Variants in ATP7B observed in about 807,000 individuals in gnomAD.
The protein encoded by ATP7B is copper-transporting ATPase 2.
In ATP7B, 113 loss-of-function variants were observed where a neutral mutation model predicts 118.9. The observed-to-expected ratio is 0.95, with a 90% CI of 0.82 to 1.11. The LOEUF is 1.11. Among genes scored for constraint, ATP7B ranks in the 50% most tolerant of loss-of-function variants. ATP7B has a pLI of 0.00. For synonymous variants in ATP7B, 777 were observed against 727.4 expected (o/e 1.07, Z -1.10); for missense variants, 1,867 against 1,871.4 (o/e 1.00, Z 0.04).
Position 51,937,656 on chromosome 13 carries a change from T to C in ATP7B, c.3723A>G (p.Ala1241=), listed in dbSNP as rs1343476063. The change falls in exon 18 of 21, where the codon GCA becomes GCG. Residue 1241 remains alanine, a synonymous_variant. Coordinates refer to ENST00000242839, the MANE Select transcript of ATP7B (RefSeq NM_000053.4). The part of the protein sequence containing the change: ...ATQVGINKVF[A]EVLPSHKVAK... ...CCACCTTGTGCGAAGGCAGCACCTC[T>C]GCAAAGACTTTGTTGATGCCAACCT... is the stretch of plus-strand genomic sequence containing the variant. The C allele has an allele frequency of 6.2e-7, 1 of 1,614,278 alleles. No individual in the cohort carries two copies. Among genetic ancestry groups the C allele is most frequent in the Non-Finnish European group, 8.5e-7 (1 of 1,180,056 alleles).
intron 6 of ATP7B, among the ~76,000 whole-genome samples, chr13:51,961,565 C>G (rs1380726380): frequency 6.6e-6 from 1 of 152,176 alleles, no homozygotes; most frequent in Non-Finnish European, 1.5e-5. Flanking sequence ...ATTAAAAATT[C>G]ATTTCCACAG....
chr13:51,987,673 C>G (rs538582361), intron 1 of ATP7B, among the ~76,000 whole-genome samples: 30 of 152,308 alleles, frequency 2.0e-4, no homozygotes, highest in Middle Eastern at 3.4e-3. Context: ...TACTACAAGG[C>G]TATAGTAACC....
intron 20 of ATP7B, 96 bp downstream of exon 20, chr13:51,935,497 A>T: frequency 7.7e-7 from 1 of 1,305,820 alleles, no homozygotes; most frequent in Non-Finnish European, 1.1e-6. Flanking sequence ...CAGGTGAATG[A>T]ATGGGAAATG....
In ATP7B at chr13:51,965,073, C is replaced by G. The variant is rs375707430; in HGVS notation, c.1708-40G>C. On this transcript the variant is annotated intron_variant, in intron 4 of 20. Transcript: ENST00000242839. ...GGCAAGAATCCCACAGACCCAGGAT[C>G]AAGGAAAGCCTGTGAAAGCCAGTCC... is the stretch of plus-strand genomic sequence containing the variant. 2.7e-4 allele frequency: 432 copies of G among 1,612,026 alleles called. 1 individual carries two copies. Among genetic ancestry groups the G allele is most frequent in the Non-Finnish European group, 3.4e-4 (402 of 1,179,804 alleles).
At chr13:52,010,705 T>G (rs1237399623) in intron 1 of ATP7B, among the ~76,000 whole-genome samples, 5 of 152,256 alleles carry the variant, frequency 3.3e-5, no homozygotes. Flanking sequence ...TGTTAACCAC[T>G]GTATCAACTC....
intron 17 of ATP7B, among the ~76,000 whole-genome samples, chr13:51,938,445 G>A (rs1957108498): frequency 6.6e-6 from 1 of 152,222 alleles, no homozygotes; most frequent in Admixed American, 6.5e-5. Flanking sequence ...CGCTAAACAG[G>A]TCCATAATTA....
intron 17 of ATP7B, among the ~76,000 whole-genome samples, chr13:51,938,169 C>T (rs572653281): frequency 6.6e-6 from 1 of 152,182 alleles, no homozygotes; most frequent in East Asian, 1.9e-4. Flanking sequence ...ATCTCCAAAC[C>T]GCCGTGCTAC....
At chr13:52,006,845 T>C (rs565553414) in intron 1 of ATP7B, among the ~76,000 whole-genome samples, 4 of 152,304 alleles carry the variant, frequency 2.6e-5, no homozygotes, top group Admixed American at 6.5e-5. Flanking sequence ...ATGCCTGCTC[T>C]TCCTGAAAGA....
chr13:51,986,727 C>A (rs142957060), intron 1 of ATP7B, among the ~76,000 whole-genome samples: 1 of 152,232 alleles, frequency 6.6e-6, no homozygotes, highest in Non-Finnish European at 1.5e-5. Flanking sequence ...ATGATCAAGT[C>A]GGCTTCATCC....
chr13:51,955,158 G>A (rs528699557), intron 9 of ATP7B, among the ~76,000 whole-genome samples: 1 of 152,302 alleles, frequency 6.6e-6, no homozygotes, highest in African/African-American at 2.4e-5. Flanking sequence ...AGAACCTCTG[G>A]GGGCCTTCAG....
intron 3 of ATP7B, among the ~76,000 whole-genome samples, chr13:51,968,855 T>C (rs1364070184): frequency 2.1e-5 from 3 of 140,554 alleles, no homozygotes; most frequent in Non-Finnish European, 4.6e-5. Flanking sequence ...CATCTTTTTT[T>C]CTTTTTTCTT....
At chr13:51,960,840 G>A (rs547410924) in intron 6 of ATP7B, among the ~76,000 whole-genome samples, 5 of 152,096 alleles carry the variant, frequency 3.3e-5, no homozygotes, top group South Asian at 2.1e-4. Context: ...GTTTGGAATC[G>A]GGGGTCATGG....
At chr13:52,005,217 T>C (rs1281066815) in intron 1 of ATP7B, among the ~76,000 whole-genome samples, 1 of 152,272 alleles carries the variant, frequency 6.6e-6, no homozygotes, top group Non-Finnish European at 1.5e-5. Context: ...CTAGCCAGGC[T>C]GAAAATTTTC....
intron 4 of ATP7B, among the ~76,000 whole-genome samples, 172 bp downstream of exon 4, chr13:51,968,272 A>C (rs1321704323): frequency 6.6e-6 from 1 of 152,220 alleles, no homozygotes; most frequent in Non-Finnish European, 1.5e-5. Context: ...CCTTTCTTAA[A>C]ATGAACAAGT....
intron 9 of ATP7B, among the ~76,000 whole-genome samples, chr13:51,955,784 G>GA (rs750775658): frequency 7.3e-4 from 111 of 151,086 alleles, no homozygotes; most frequent in Non-Finnish European, 9.1e-4. Context: ...ATTTATAAGA[G>GA]AAGAAAAAAA....
At chr13:51,964,707 C>T in intron 5 of ATP7B, 165 bp downstream of exon 5, 1 of 745,342 alleles carries the variant, frequency 1.3e-6, no homozygotes, top group Non-Finnish European at 2.1e-6. Context: ...TTATTATTTA[C>T]TTACCTGCAG....
intron 1 of ATP7B, among the ~76,000 whole-genome samples, chr13:51,999,861 C>A (rs1418653239): frequency 6.6e-6 from 1 of 152,166 alleles, no homozygotes; most frequent in Non-Finnish European, 1.5e-5. Context: ...TGGTCCTATC[C>A]CCTCTCTGGC....
At chr13:51,970,094 G>C (rs989594720) in intron 3 of ATP7B, among the ~76,000 whole-genome samples, 1 of 152,106 alleles carries the variant, frequency 6.6e-6, no homozygotes, top group South Asian at 2.1e-4. Context: ...TGGTTTACAG[G>C]AACAACAAGA....
Position 51,950,527 on chromosome 13 carries a change from C to T in ATP7B, c.2448-128G>A, listed in dbSNP as rs890905514. ...AGCAACAGTATTCATTTGATCTGTT[C>T]ATTTACAGATATTTATCGTGCAGCT... is the stretch of plus-strand genomic sequence containing the variant. On this transcript the variant is annotated intron_variant, in intron 9 of 20. Transcript: ENST00000242839. 12 of 1,361,368 alleles carry T rather than the reference C, an allele frequency of 8.8e-6. No homozygotes were observed. In the African/African-American group the frequency reaches 1.4e-4, roughly 16 times the overall value. 84.3% of individuals were successfully genotyped at this position (1,361,368 alleles called of 1,614,324 possible).
Sources: allele counts gnomAD v4.1 joint callset (sites outside exome capture counted in the v4.1 genomes callset), GRCh38; gene constraint gnomAD v4.1.1; transcripts MANE v1.5; gene names NCBI Gene and HGNC (gene_info 2026-07-23, HGNC 2026-07-21).